OR2L13: variants seen among roughly 807,000 people sequenced by gnomAD.
OR2L13 encodes the protein olfactory receptor family 2 subfamily L member 13, also known as olfactory receptor 2L13.
A neutral mutation model predicts 15.3 loss-of-function variants in OR2L13; 14 were observed. The observed-to-expected ratio is 0.91, with a 90% CI of 0.60 to 1.43. The LOEUF is 1.43. Among genes scored for constraint, OR2L13 ranks in the 40% most tolerant of loss-of-function variants. OR2L13 has a pLI of 0.00. For synonymous variants in OR2L13, 152 were observed against 142.9 expected, an observed-to-expected ratio of 1.06 and a Z score of -0.45; for missense variants, 367 against 387.9, an observed-to-expected ratio of 0.95 and a Z score of 0.45.
chr1:248,010,573 G>GGTCTC, the OR2L13 span, among the ~76,000 whole-genome samples: 1 of 151,618 alleles, frequency 6.6e-6, no homozygotes, highest in African/African-American at 2.4e-5. Context: ...TCTCTTTGTA[G>GGTCTC]GTCTCTAAGA....
the OR2L13 span, chr1:247,939,243 A>G: frequency 6.6e-6 from 1 of 152,216 alleles, no homozygotes; most frequent in African/African-American, 2.4e-5. Flanking sequence ...TCTCTTATGT[A>G]GAAACACTAG....
the OR2L13 span, among the ~76,000 whole-genome samples, chr1:247,940,236 G>A: frequency 6.6e-6 from 1 of 152,002 alleles, no homozygotes; most frequent in African/African-American, 2.4e-5. Context: ...TGAAAATTAT[G>A]TCTTATTTCA....
the OR2L13 span, among the ~76,000 whole-genome samples, chr1:248,050,966 T>C: frequency 6.6e-6 from 1 of 152,186 alleles, no homozygotes; most frequent in African/African-American, 2.4e-5. Flanking sequence ...CAAATTGGAA[T>C]AGTTTCAGTA....
the OR2L13 span, among the ~76,000 whole-genome samples, chr1:248,018,799 C>T: frequency 2.0e-5 from 3 of 152,260 alleles, no homozygotes; most frequent in African/African-American, 7.2e-5. Flanking sequence ...CACAATTATT[C>T]TCCTTGTCTC....
the OR2L13 span, among the ~76,000 whole-genome samples, chr1:248,070,961 C>A: frequency 2.2e-4 from 33 of 152,104 alleles, no homozygotes; most frequent in Non-Finnish European, 4.7e-4. Flanking sequence ...TGATAACAGG[C>A]TCTGAAATTG....
the OR2L13 span, chr1:248,061,450 A>C: frequency 1.2e-6 from 2 of 1,613,988 alleles, no homozygotes; most frequent in Non-Finnish European, 8.5e-7. Context: ...TTTTGTCTAC[A>C]CTTATCTACG....
At chr1:248,028,844 A>G in the OR2L13 span, among the ~76,000 whole-genome samples, 1 of 152,186 alleles carries the variant, frequency 6.6e-6, no homozygotes, top group Non-Finnish European at 1.5e-5. Flanking sequence ...ATCTTCCCAC[A>G]TCAAATAAGG....
chr1:248,040,771 A>C, the OR2L13 span: 1 of 152,192 alleles, frequency 6.6e-6, no homozygotes, highest in Non-Finnish European at 1.5e-5. Context: ...GGGGAGTTCA[A>C]AGTTAAATGC....
At chr1:248,076,393 G>T in the OR2L13 span, among the ~76,000 whole-genome samples, 431 of 152,254 alleles carry the variant, frequency 2.8e-3, 2 homozygotes, top group African/African-American at 9.6e-3. Flanking sequence ...GAAGTCATTG[G>T]TAGCTTGATG....
At chr1:248,028,966 T>A in the OR2L13 span, among the ~76,000 whole-genome samples, 1 of 152,234 alleles carries the variant, frequency 6.6e-6, no homozygotes, top group East Asian at 1.9e-4. Context: ...GCCAAGGTTT[T>A]AAACTTGCAA....
chr1:248,039,703 A>T, the OR2L13 span: 4 of 152,486 alleles, frequency 2.6e-5, no homozygotes, highest in Admixed American at 2.0e-4. Flanking sequence ...ATCATTCAGC[A>T]TAATAATTAC....
At chr1:247,950,168 A>G in the OR2L13 span, among the ~76,000 whole-genome samples, 1 of 152,132 alleles carries the variant, frequency 6.6e-6, no homozygotes, top group Non-Finnish European at 1.5e-5. Flanking sequence ...TATGTCTAAA[A>G]CAAAACCAAA....
exon 3 of OR2L13, chr1:248,100,561 A>C (rs1465328144): frequency 4.8e-6 from 1 of 208,408 alleles, no homozygotes; most frequent in African/African-American, 2.3e-5. Flanking sequence ...ATTATAGTAC[A>C]TGTTTGTACA....
chr1:248,068,639 G>A, the OR2L13 span, among the ~76,000 whole-genome samples: 2 of 152,212 alleles, frequency 1.3e-5, no homozygotes, highest in African/African-American at 4.8e-5. Context: ...GACTGACTTT[G>A]ACGAGAGAAG....
the OR2L13 span, among the ~76,000 whole-genome samples, chr1:248,036,197 T>G: frequency 1.3e-5 from 2 of 152,172 alleles, no homozygotes; most frequent in Non-Finnish European, 2.9e-5. Context: ...TATATGTTGG[T>G]CCTGTTGCAT....
chr1:247,990,148 A>G, the OR2L13 span: 1 of 506,534 alleles, frequency 2.0e-6, no homozygotes, highest in African/African-American at 1.9e-5. Context: ...GGTTCAGTGT[A>G]AACCCCAATT....
At chr1:247,978,526 G>C in the OR2L13 span, among the ~76,000 whole-genome samples, 12 of 152,300 alleles carry the variant, frequency 7.9e-5, no homozygotes, top group Admixed American at 3.9e-4. Flanking sequence ...TGCCTGCAAA[G>C]GACATGAAGC....
the OR2L13 span, among the ~76,000 whole-genome samples, chr1:248,066,486 T>C: frequency 6.6e-6 from 1 of 152,170 alleles, no homozygotes; most frequent in Non-Finnish European, 1.5e-5. Flanking sequence ...AGATGAAATA[T>C]CTTATCAATC....
the OR2L13 span, chr1:247,965,466 C>T: frequency 1.2e-6 from 2 of 1,613,880 alleles, no homozygotes; most frequent in Non-Finnish European, 1.7e-6. Flanking sequence ...TCTTTGTCGT[C>T]ATTGCCACCC....
Sources: gnomAD v4.1 joint callset for allele counts (sites outside exome capture counted in the v4.1 genomes callset) on GRCh38, gnomAD v4.1.1 for gene constraint, MANE v1.5 for transcripts, NCBI Gene and HGNC (gene_info 2026-07-23, HGNC 2026-07-21) for gene names.